The following SPATS2 variants were observed in gnomAD, a reference collection of about 807,000 sequenced individuals.
SPATS2 encodes spermatogenesis associated serine rich 2, also known as spermatogenesis-associated serine-rich protein 2.
A neutral mutation model predicts 63.7 loss-of-function variants in SPATS2; 38 were observed. The observed-to-expected ratio is 0.60, with a 90% CI of 0.46 to 0.78. The LOEUF (loss-of-function observed/expected upper bound fraction) is 0.78. SPATS2 is among the 30% of genes least tolerant of loss of function. The pLI is 0.00. For missense variants in SPATS2, 588 were observed against 666.2 expected (o/e 0.88, Z 1.29); for synonymous variants, 207 against 232.9 (o/e 0.89, Z 1.01).
rs765200118 is a variant in SPATS2, at chr12:49,410,785, A to AT, written c.-244+39509dup. Among the ~76,000 whole-genome samples, 930 of 145,274 alleles carry AT rather than the reference A, an allele frequency of 6.4e-3. 4 individuals are homozygous for AT. Among genetic ancestry groups the AT allele is most frequent in the South Asian group, 0.014 (65 of 4,546 alleles). On this transcript the variant is annotated intron_variant, in intron 2 of 13. Transcript: ENST00000552918. ...CTCTTTGATGTAGAGCTTAAAAGGA[A>AT]TTTTTTTTTTTTTTGGAAACCAGCA...
At chr12:49,407,226 T>C (rs1944712603) in intron 2 of SPATS2, among the ~76,000 whole-genome samples, 1 of 152,186 alleles carries the variant, frequency 6.6e-6, no homozygotes, top group Non-Finnish European at 1.5e-5. Context: ...GCATTAGTCT[T>C]CTGATTGAGT....
At chr12:49,387,839 A>G (rs879295315) in intron 2 of SPATS2, among the ~76,000 whole-genome samples, 4 of 152,146 alleles carry the variant, frequency 2.6e-5, no homozygotes, top group African/African-American at 4.8e-5. Context: ...CTGCTGACAC[A>G]TCTGTTCATA....
intron 2 of SPATS2, among the ~76,000 whole-genome samples, chr12:49,458,213 A>G (rs576829947): frequency 6.6e-6 from 1 of 152,250 alleles, no homozygotes; most frequent in Non-Finnish European, 1.5e-5. Context: ...TCATGCCTGT[A>G]ATCCCACACT....
chr12:49,509,313 CT>C (rs1946708584), intron 9 of SPATS2, among the ~76,000 whole-genome samples: 1 of 129,438 alleles, frequency 7.7e-6, no homozygotes, highest in Non-Finnish European at 1.6e-5. Context: ...CAGAGTCTCG[CT>C]CTGTCACCAA....
At chr12:49,512,800 G>T in intron 9 of SPATS2, 1 of 1,194,688 alleles carries the variant, frequency 8.4e-7, no homozygotes, top group Non-Finnish European at 1.1e-6. Flanking sequence ...CATAAGAGAG[G>T]TAATGTCAAA....
At position 49,436,623 on chromosome 12, in the gene SPATS2, C is replaced by A. The variant is rs1945300438; in HGVS notation, c.-243-24147C>A. ...GGCCGGGGGCTGACCCCCCCACCTC[C>A]CTCCCGGACGGGGCGGCTGGCCGGG... On this transcript the variant is annotated intron_variant, in intron 2 of 13. Coordinates refer to ENST00000552918, the MANE Select transcript of SPATS2 (RefSeq NM_023071.4). Among the ~76,000 whole-genome samples, 25 of 137,290 alleles carry A rather than the reference C, an allele frequency of 1.8e-4. No individual in the cohort carries two copies. The South Asian group carries it at 5.8e-3, about 32-fold the overall frequency. 90.1% of individuals were successfully genotyped at this position (137,290 alleles called of 152,430 possible). A position where few individuals can be genotyped will look rare whatever the true frequency, so the allele number is the denominator to read the frequency against.
At chr12:49,436,657 C>A (rs1234635837) in intron 2 of SPATS2, among the ~76,000 whole-genome samples, 2 of 126,352 alleles carry the variant, frequency 1.6e-5, no homozygotes, top group East Asian at 2.7e-4. Context: ...GGCAGAGGGG[C>A]TCCTCTCTTC....
At chr12:49,454,067 G>A (rs963473373) in intron 2 of SPATS2, among the ~76,000 whole-genome samples, 1 of 151,962 alleles carries the variant, frequency 6.6e-6, no homozygotes, top group Non-Finnish European at 1.5e-5. Flanking sequence ...CTTTCACTGT[G>A]TTAGCCAGGA....
chr12:49,431,598 G>A (rs369109155), intron 2 of SPATS2, among the ~76,000 whole-genome samples: 18 of 152,290 alleles, frequency 1.2e-4, no homozygotes, highest in African/African-American at 4.1e-4. Context: ...TATGTGGACA[G>A]ATTACAATTA....
intron 2 of SPATS2, among the ~76,000 whole-genome samples, chr12:49,448,258 C>A (rs1176231400): frequency 1.3e-5 from 2 of 151,304 alleles, no homozygotes; most frequent in African/African-American, 4.9e-5. Context: ...CTGCCTCAGC[C>A]TCCCGAGTAG....
At chr12:49,421,019 G>A (rs1463063385) in intron 2 of SPATS2, among the ~76,000 whole-genome samples, 1 of 152,072 alleles carries the variant, frequency 6.6e-6, no homozygotes, top group Admixed American at 6.6e-5. Flanking sequence ...AAGGAAAAAA[G>A]AATGCTTGAA....
intron 4 of SPATS2, 115 bp from the exon 5 acceptor site, chr12:49,489,350 A>G (rs751803027): frequency 1.0e-5 from 7 of 681,472 alleles, no homozygotes; most frequent in Non-Finnish European, 1.7e-5. Flanking sequence ...GACACTAAAG[A>G]GTGATACATA....
chr12:49,380,101 T>G (rs1944188233), intron 2 of SPATS2, among the ~76,000 whole-genome samples: 1 of 152,130 alleles, frequency 6.6e-6, no homozygotes. Context: ...GTGTCTGGCT[T>G]TTCTGACATA....
intron 2 of SPATS2, chr12:49,389,696 G>C: frequency 6.5e-7 from 1 of 1,545,682 alleles, no homozygotes. Context: ...AAGAACATCG[G>C]CCACGGTCCA....
intron 2 of SPATS2, among the ~76,000 whole-genome samples, chr12:49,384,872 C>T (rs1343361578): frequency 9.9e-5 from 15 of 151,994 alleles, no homozygotes; most frequent in African/African-American, 3.1e-4. Flanking sequence ...TGCAATGGCG[C>T]GACCTTGGCT....
intron 7 of SPATS2, among the ~76,000 whole-genome samples, chr12:49,496,524 G>A (rs1946466287): frequency 6.6e-6 from 1 of 152,272 alleles, no homozygotes; most frequent in Middle Eastern, 3.4e-3. Context: ...CCTTGTGCCA[G>A]ACTTACATAG....
chr12:49,521,860 G>A (rs941482456), intron 11 of SPATS2, among the ~76,000 whole-genome samples: 1 of 152,128 alleles, frequency 6.6e-6, no homozygotes, highest in Non-Finnish European at 1.5e-5. Flanking sequence ...AAGGCCGGAA[G>A]GTCATTTTTC....
chr12:49,458,732 G>T (rs1055053166), intron 2 of SPATS2, among the ~76,000 whole-genome samples: 6 of 136,736 alleles, frequency 4.4e-5, no homozygotes, highest in South Asian at 2.4e-4. Flanking sequence ...ATTCCATCTC[G>T]TTTTTTTTTT....
intron 2 of SPATS2, among the ~76,000 whole-genome samples, chr12:49,408,569 T>G (rs1394391127): frequency 7.0e-6 from 1 of 143,556 alleles, no homozygotes; most frequent in African/African-American, 2.6e-5. Flanking sequence ...TTTTTTTTTT[T>G]TTTTGAGACA....
Sources: allele counts gnomAD v4.1 joint callset (sites outside exome capture counted in the v4.1 genomes callset), GRCh38; gene constraint gnomAD v4.1.1; transcripts MANE v1.5; gene names NCBI Gene and HGNC (gene_info 2026-07-23, HGNC 2026-07-21).